The following ADAMTSL1 variants were observed in gnomAD, a reference collection of about 807,000 sequenced individuals.
ADAMTSL1 encodes ADAMTS like 1.
In ADAMTSL1, 126 loss-of-function variants were observed where a neutral mutation model predicts 201.8. The ratio of observed to expected loss-of-function variants is 0.62; its 90% confidence interval spans 0.54 to 0.72. The LOEUF is 0.72. ADAMTSL1 is among the 30% of genes least tolerant of loss of function. The pLI, the probability that ADAMTSL1 is intolerant of heterozygous loss-of-function variation, is 0.00. For synonymous variants in ADAMTSL1, 1,121 were observed against 903.4 expected, an observed-to-expected ratio of 1.24 and a Z score of -4.32; for missense variants, 2,679 against 2,277.8, an observed-to-expected ratio of 1.18 and a Z score of -3.59.
At chr9:18,774,001 C>G (rs1406668186) in intron 17 of ADAMTSL1, among the ~76,000 whole-genome samples, 1 of 152,214 alleles carries the variant, frequency 6.6e-6, no homozygotes, top group East Asian at 1.9e-4. Context: ...TATATCACAG[C>G]ACATCACACA....
chr9:18,816,964 TTGCAA>T, intron 20 of ADAMTSL1, 140 bp from the exon 21 acceptor site: 1 of 1,024,248 alleles, frequency 9.8e-7, no homozygotes, highest in South Asian at 1.7e-5. Flanking sequence ...TACTGTGCGC[TTGCAA>T]TTTTTCAAGA....
At chr9:18,750,665 T>A (rs1480536292) in intron 15 of ADAMTSL1, among the ~76,000 whole-genome samples, 1 of 152,204 alleles carries the variant, frequency 6.6e-6, no homozygotes, top group Non-Finnish European at 1.5e-5. Context: ...CATAACAAAT[T>A]TCCCTCCAAA....
intron 1 of ADAMTSL1, among the ~76,000 whole-genome samples, chr9:18,000,189 C>T (rs910785759): frequency 2.0e-5 from 3 of 150,990 alleles, no homozygotes; most frequent in African/African-American, 7.3e-5. Context: ...CACTGACTTC[C>T]ACAATGGTTG....
At chr9:18,115,534 C>G (rs570433170) in intron 1 of ADAMTSL1, among the ~76,000 whole-genome samples, 1 of 152,116 alleles carries the variant, frequency 6.6e-6, no homozygotes, top group South Asian at 2.1e-4. Context: ...AGTAGGTGCA[C>G]TTTAAAAGGA....
intron 23 of ADAMTSL1, 84 bp from the exon 24 acceptor site, chr9:18,887,747 G>C: frequency 4.0e-6 from 5 of 1,246,638 alleles, no homozygotes; most frequent in Non-Finnish European, 5.7e-6. Context: ...ACAATTTCTA[G>C]AGCCACACAG....
At chr9:18,657,777 C>A (rs777979788) in intron 8 of ADAMTSL1, 27 bp downstream of exon 8, 13 of 1,567,230 alleles carry the variant, frequency 8.3e-6, no homozygotes, top group Admixed American at 3.3e-5. Flanking sequence ...AGTCTAAAAA[C>A]TGTTGGCTTC....
chr9:18,487,716 G>A (rs368704229), intron 1 of ADAMTSL1, among the ~76,000 whole-genome samples: 9 of 152,242 alleles, frequency 5.9e-5, no homozygotes, highest in African/African-American at 9.6e-5. Context: ...TCATGTATGC[G>A]TATTCAGTGC....
intron 2 of ADAMTSL1, among the ~76,000 whole-genome samples, chr9:18,176,017 A>T (rs1481310848): frequency 2.9e-5 from 4 of 137,158 alleles, no homozygotes; most frequent in Middle Eastern, 3.7e-3. Flanking sequence ...CAAAAAAAAA[A>T]AAAAAAAAAA....
intron 1 of ADAMTSL1, among the ~76,000 whole-genome samples, chr9:17,962,308 C>G (rs1019066156): frequency 1.3e-5 from 2 of 152,158 alleles, no homozygotes; most frequent in Non-Finnish European, 2.9e-5. Context: ...GAATTGACTT[C>G]CCTGTGAATA....
intron 2 of ADAMTSL1, among the ~76,000 whole-genome samples, chr9:18,332,667 A>C (rs954072184): frequency 2.6e-5 from 4 of 152,176 alleles, no homozygotes; most frequent in African/African-American, 9.7e-5. Flanking sequence ...GACGTACAGC[A>C]TCAATAGAAT....
chr9:18,740,193 G>A (rs144135257), intron 15 of ADAMTSL1, among the ~76,000 whole-genome samples: 59 of 152,230 alleles, frequency 3.9e-4, no homozygotes, highest in Non-Finnish European at 6.0e-4. Context: ...CAAATCTCGG[G>A]ACAGACAGGA....
intron 2 of ADAMTSL1, among the ~76,000 whole-genome samples, chr9:18,202,404 C>T (rs984190170): frequency 2.6e-5 from 4 of 152,202 alleles, no homozygotes; most frequent in Non-Finnish European, 4.4e-5. Context: ...TCTTTCAATA[C>T]GTGTGCTCAA....
Position 18,083,818 on chromosome 9 carries a change from A to G in ADAMTSL1, c.88-80044A>G, listed in dbSNP as rs559163743. Among the ~76,000 whole-genome samples the G allele has an allele frequency of 3.1e-4, 47 of 152,314 alleles. 1 individual carries two copies. The highest frequency in any genetic ancestry group is 6.8e-3 in the Middle Eastern group (2 of 294). On this transcript the variant is annotated intron_variant, in intron 1 of 29. Transcript: ENST00000680146. ...AGCTTTTACCACCCTCCACAATACA[A>G]CATTCTTGCTCTAGCTCTAAACATT... is the stretch of plus-strand genomic sequence containing the variant.
intron 1 of ADAMTSL1, among the ~76,000 whole-genome samples, chr9:18,086,267 A>C (rs1450140460): frequency 1.3e-5 from 2 of 152,228 alleles, no homozygotes; most frequent in Non-Finnish European, 2.9e-5. Flanking sequence ...TCCCAGAGAC[A>C]GGGACCACCA....
At chr9:18,646,375 C>T (rs963586949) in intron 7 of ADAMTSL1, among the ~76,000 whole-genome samples, 3 of 152,112 alleles carry the variant, frequency 2.0e-5, no homozygotes, top group African/African-American at 7.2e-5. Flanking sequence ...ATTGAATACC[C>T]TTTATTTCCT....
At chr9:18,080,756 T>C (rs945495377) in intron 1 of ADAMTSL1, among the ~76,000 whole-genome samples, 2 of 152,226 alleles carry the variant, frequency 1.3e-5, no homozygotes, top group Non-Finnish European at 2.9e-5. Context: ...GCCTAAGTAG[T>C]ATTAGACTTG....
At position 18,336,621 on chromosome 9, in the gene ADAMTSL1, G is replaced by A. The variant is rs560553123; in HGVS notation, c.208-168208G>A. On this transcript the variant is annotated intron_variant, in intron 2 of 29. Coordinates refer to the ADAMTSL1 transcript ENST00000680146. ...AAATTTTTAATGTAGCCTAAGATCTGTTTTTATAGATGGGTGAAGTGGAAG... is the reference window on the plus strand; with the variant it reads ...AAATTTTTAATGTAGCCTAAGATCTATTTTTATAGATGGGTGAAGTGGAAG... Among the ~76,000 whole-genome samples, 69 of 152,154 alleles carry A rather than the reference G, an allele frequency of 4.5e-4. No homozygotes were observed. In the South Asian group the frequency reaches 0.013, roughly 29 times the overall value.
intron 1 of ADAMTSL1, among the ~76,000 whole-genome samples, chr9:17,992,430 A>G (rs1819196509): frequency 6.6e-6 from 1 of 152,200 alleles, no homozygotes; most frequent in African/African-American, 2.4e-5. Context: ...AAATTTCGCC[A>G]GTGATGGTTT....
chr9:18,370,568 C>T (rs771414451), intron 2 of ADAMTSL1, among the ~76,000 whole-genome samples: 61 of 152,002 alleles, frequency 4.0e-4, no homozygotes, highest in Non-Finnish European at 7.6e-4. Context: ...GTATTGATAG[C>T]GTTGGTAACA....
Sources: gnomAD v4.1 joint callset for allele counts (sites outside exome capture counted in the v4.1 genomes callset) on GRCh38, gnomAD v4.1.1 for gene constraint, MANE v1.5 for transcripts, NCBI Gene and HGNC (gene_info 2026-07-23, HGNC 2026-07-21) for gene names.